The following CLEC16A variants were observed in gnomAD, a reference collection of about 807,000 sequenced individuals.
CLEC16A encodes C-type lectin domain containing 16A, also known as protein CLEC16A.
CLEC16A carries 51 observed loss-of-function variants against 109.5 expected under a neutral mutation model. The ratio of observed to expected loss-of-function variants is 0.47; its 90% CI spans 0.37 to 0.59. CLEC16A has a LOEUF of 0.59. Among genes scored for constraint, CLEC16A ranks in the 20% least tolerant of loss-of-function variants. CLEC16A has a pLI of 0.00. For synonymous variants in CLEC16A, 673 were observed against 564.2 expected, an observed-to-expected ratio of 1.19 and a Z score of -2.73; for missense variants, 1,339 against 1,394.0, an observed-to-expected ratio of 0.96 and a Z score of 0.63.
chr16:11,151,053 G>A (rs533141839), intron 22 of CLEC16A, among the ~76,000 whole-genome samples: 3 of 152,256 alleles, frequency 2.0e-5, no homozygotes, highest in African/African-American at 7.2e-5. Flanking sequence ...ATTTCCAAAC[G>A]AGGTCACATT....
At chr16:10,993,688 A>G (rs2147134115) in intron 10 of CLEC16A, among the ~76,000 whole-genome samples, 1 of 152,354 alleles carries the variant, frequency 6.6e-6, no homozygotes, top group South Asian at 2.1e-4. Context: ...TTCAAAATAT[A>G]GTAAAATACT....
intron 15 of CLEC16A, among the ~76,000 whole-genome samples, chr16:11,043,615 A>C (rs2047468154): frequency 1.3e-5 from 2 of 152,126 alleles, no homozygotes; most frequent in Non-Finnish European, 2.9e-5. Context: ...CTGTAATCCC[A>C]GCACTTTGGG....
chr16:11,115,524 C>T (rs758457466), intron 19 of CLEC16A, among the ~76,000 whole-genome samples: 1 of 152,104 alleles, frequency 6.6e-6, no homozygotes, highest in Non-Finnish European at 1.5e-5. Context: ...AGGCACATGC[C>T]ACTACAGCCA....
intron 19 of CLEC16A, among the ~76,000 whole-genome samples, chr16:11,085,107 C>G (rs1176919158): frequency 3.9e-5 from 6 of 152,238 alleles, no homozygotes; most frequent in African/African-American, 1.4e-4. Context: ...CTGTCGTTGT[C>G]TGAAGGGTTG....
chr16:11,159,356 G>A (rs2054639850), intron 22 of CLEC16A, among the ~76,000 whole-genome samples: 1 of 152,198 alleles, frequency 6.6e-6, no homozygotes, highest in South Asian at 2.1e-4. Flanking sequence ...AGATAGAGAG[G>A]ACCACCAGTG....
intron 19 of CLEC16A, among the ~76,000 whole-genome samples, chr16:11,115,089 G>A (rs1441654257): frequency 6.6e-6 from 1 of 152,140 alleles, no homozygotes; most frequent in African/African-American, 2.4e-5. Flanking sequence ...AGCCCCTCAG[G>A]CAGCCAGGCT....
In CLEC16A at chr16:10,954,856, TC is replaced by T. The variant is rs2041912851; in HGVS notation, c.81-2924del. ...ATCTAGCCTGATCTCTTTTCTACCT[TC>T]CTGGAATATTCCTTAGATAATGTAG... On this transcript the variant is annotated intron_variant, in intron 1 of 23. Coordinates refer to ENST00000409790, the MANE Select transcript of CLEC16A (RefSeq NM_015226.3). This position sits in a 1 kb window ranked among gnomAD's most constrained non-coding sequence, Gnocchi z 4.2. Among the ~76,000 whole-genome samples the T allele has an allele frequency of 6.6e-6, 1 of 152,192 alleles. No individual in the cohort carries two copies. The highest frequency in any genetic ancestry group is 6.5e-5 in the Admixed American group (1 of 15,286).
At chr16:11,101,827 G>A (rs573718318) in intron 19 of CLEC16A, among the ~76,000 whole-genome samples, 2 of 150,918 alleles carry the variant, frequency 1.3e-5, no homozygotes, top group South Asian at 4.2e-4. Flanking sequence ...TTTTGAAACA[G>A]GGTATCCTTC....
rs551530239 is a variant in CLEC16A, at chr16:11,027,560, G to A, written c.1537+2639G>A. On this transcript the variant is annotated intron_variant, in intron 13 of 23. Coordinates refer to ENST00000409790, the MANE Select transcript of CLEC16A (RefSeq NM_015226.3). ...CAGTGATTGAGGAGCACCTGGGGAA[G>A]TTTGGCATCATTTGCTTGGAAGACC... 1.1e-4 allele frequency: 179 copies of A among 1,558,966 alleles called. 1 individual carries two copies. The highest frequency in any genetic ancestry group is 1.5e-4 in the Non-Finnish European group (170 of 1,144,998).
chr16:11,082,453 T>C (rs1011350784), intron 19 of CLEC16A, among the ~76,000 whole-genome samples: 3 of 152,226 alleles, frequency 2.0e-5, no homozygotes, highest in Admixed American at 6.5e-5. Context: ...CAAATCTTGA[T>C]GCTGGGTGAC....
At chr16:11,074,687 C>A (rs2152931008) in intron 19 of CLEC16A, among the ~76,000 whole-genome samples, 1 of 152,312 alleles carries the variant, frequency 6.6e-6, no homozygotes, top group Admixed American at 6.5e-5. Flanking sequence ...ATCACAAGGT[C>A]ACCTAATGAC....
intron 20 of CLEC16A, among the ~76,000 whole-genome samples, chr16:11,122,929 A>T (rs1597461171): frequency 3.6e-5 from 3 of 83,382 alleles, no homozygotes; most frequent in African/African-American, 4.9e-5. Context: ...TTTGAGATGG[A>T]GTCTCATTCT....
chr16:11,069,642 A>G (rs942809908), intron 19 of CLEC16A, among the ~76,000 whole-genome samples: 1 of 151,564 alleles, frequency 6.6e-6, no homozygotes, highest in Non-Finnish European at 1.5e-5. Context: ...GGGTCTCACT[A>G]TGTTGCCCAG....
chr16:11,164,368 C>G (rs771900433), intron 22 of CLEC16A, among the ~76,000 whole-genome samples: 1 of 152,160 alleles, frequency 6.6e-6, no homozygotes, highest in Non-Finnish European at 1.5e-5. Context: ...GATCTTTAGA[C>G]GAAAACAGCT....
At chr16:10,979,421 G>A (rs1246658275) in intron 9 of CLEC16A, 39 bp downstream of exon 9, 1 of 1,589,608 alleles carries the variant, frequency 6.3e-7, no homozygotes, top group Non-Finnish European at 8.6e-7. Flanking sequence ...ACTACATTTG[G>A]GGTCCCTTGG....
chr16:10,962,911 T>G (rs1246266068), intron 3 of CLEC16A, among the ~76,000 whole-genome samples: 2 of 151,994 alleles, frequency 1.3e-5, no homozygotes, highest in Non-Finnish European at 2.9e-5. Context: ...CCACAAAAAT[T>G]AGCTGGGTGT....
intron 23 of CLEC16A, among the ~76,000 whole-genome samples, chr16:11,169,442 A>T (rs1034447058): frequency 6.6e-6 from 1 of 152,154 alleles, no homozygotes; most frequent in African/African-American, 2.4e-5. Flanking sequence ...GCGCACCACC[A>T]TGCCCAACTA....
intron 22 of CLEC16A, among the ~76,000 whole-genome samples, chr16:11,132,226 G>GCCC (rs1555498080): frequency 1.9e-4 from 11 of 59,088 alleles, no homozygotes; most frequent in South Asian, 7.1e-4. Flanking sequence ...AGTAGTCATC[G>GCCC]CCCACCCACC....
Position 10,972,957 on chromosome 16 carries a change from G to A in CLEC16A, c.624G>A (p.Leu208=). ...TCTCAGTGGATAACCAGGCCATGCT[G>A]CACTACATCCGAGATAAAACTGCTG... is the stretch of plus-strand genomic sequence containing the variant. ...YKVSLDNQAM[L]HYIRDKTAVP... is the part of the protein sequence containing the mutation. Residue 208 remains leucine (L), a synonymous_variant, in exon 7 of 24, where the codon CTG becomes CTA. Coordinates refer to ENST00000409790, the MANE Select transcript of CLEC16A (RefSeq NM_015226.3). 6.2e-7 allele frequency: 1 copy of A among 1,609,676 alleles called. No homozygotes were observed. The highest frequency in any genetic ancestry group is 8.5e-7 in the Non-Finnish European group (1 of 1,178,728).
Sources: allele counts gnomAD v4.1 joint callset (sites outside exome capture counted in the v4.1 genomes callset), GRCh38; gene constraint gnomAD v4.1.1; non-coding constraint Gnocchi (gnomAD v3.1); transcripts MANE v1.5; gene names NCBI Gene and HGNC (gene_info 2026-07-23, HGNC 2026-07-21).